GABRB3: variants seen among roughly 807,000 people sequenced by gnomAD.
The protein encoded by GABRB3 is gamma-aminobutyric acid type A receptor subunit beta3, also known as gamma-aminobutyric acid receptor subunit beta-3.
GABRB3 carries 14 observed loss-of-function variants against 52.1 expected under a neutral mutation model. The ratio of observed to expected loss-of-function variants is 0.27; its 90% CI spans 0.18 to 0.42. The LOEUF (loss-of-function observed/expected upper bound fraction) is 0.42. Among genes scored for constraint, GABRB3 ranks in the 10% least tolerant of loss-of-function variants. GABRB3 has a pLI of 1.00. For synonymous variants in GABRB3, 260 were observed against 232.3 expected, an observed-to-expected ratio of 1.12 and a Z score of -1.08; for missense variants, 307 against 609.1, an observed-to-expected ratio of 0.50 and a Z score of 5.22.
chr15:26,768,355 TAATG>T (rs1891053380), intron 3 of GABRB3, among the ~76,000 whole-genome samples: 1 of 152,194 alleles, frequency 6.6e-6, no homozygotes, highest in Non-Finnish European at 1.5e-5. Context: ...ACCAGATAGT[TAATG>T]AAGTAAAAAG....
At chr15:26,629,204 G>T in intron 3 of GABRB3, 8 of 1,443,958 alleles carry the variant, frequency 5.5e-6, no homozygotes, top group Non-Finnish European at 7.3e-6. Context: ...GCGAAGCGGC[G>T]GCAATCAGGG....
intron 3 of GABRB3, chr15:26,642,526 A>G: frequency 4.7e-6 from 6 of 1,285,856 alleles, no homozygotes; most frequent in Non-Finnish European, 4.1e-6. Context: ...GTTCCTGCAT[A>G]GCCTGCAAAG....
At chr15:26,730,279 G>A (rs541017668) in intron 3 of GABRB3, among the ~76,000 whole-genome samples, 85 of 151,250 alleles carry the variant, frequency 5.6e-4, no homozygotes, top group African/African-American at 1.9e-3. Context: ...ATAGCCGGGC[G>A]TGGTAGCGGG....
In GABRB3 at chr15:26,621,264, C is replaced by G; in HGVS notation, c.461+50G>C. On this transcript the variant is annotated intron_variant, in intron 4 of 8. Coordinates refer to ENST00000311550, the MANE Select transcript of GABRB3 (RefSeq NM_000814.6). The surrounding 1 kb of genome is among the most constrained non-coding windows in gnomAD (Gnocchi z 4.1). ...TAATCATCTCAAGTGAGATATTCAA[C>G]ACCCATGCACCATGCAACAGCAAAA... 2.2e-6 allele frequency: 3 copies of G among 1,349,612 alleles called. No homozygotes were observed. Among genetic ancestry groups the G allele is most frequent in the Non-Finnish European group, 2.1e-6 (2 of 940,478 alleles). 83.6% of individuals were successfully genotyped at this position (1,349,612 alleles called of 1,614,324 possible). A position where few individuals can be genotyped will look rare whatever the true frequency, so the allele number is the denominator to read the frequency against.
chr15:26,715,357 A>G (rs1889434188), intron 3 of GABRB3, among the ~76,000 whole-genome samples: 2 of 152,174 alleles, frequency 1.3e-5, no homozygotes, highest in African/African-American at 4.8e-5. Context: ...AAGCCTCTCT[A>G]AGAACTGAGC....
At chr15:26,765,619 C>T (rs531476951) in intron 3 of GABRB3, among the ~76,000 whole-genome samples, 21 of 152,182 alleles carry the variant, frequency 1.4e-4, no homozygotes, top group South Asian at 4.2e-4. Context: ...CACAAATATT[C>T]GTATCTATTG....
At chr15:26,769,363 G>A (rs1891081943) in intron 3 of GABRB3, among the ~76,000 whole-genome samples, 1 of 152,010 alleles carries the variant, frequency 6.6e-6, no homozygotes, top group Non-Finnish European at 1.5e-5. Flanking sequence ...CCTCACCATC[G>A]CTAATCCTCT....
In GABRB3 at chr15:26,546,508, C is replaced by A. The variant is rs942804726; in HGVS notation, c.*1285G>T. ...AGAACGGTCATGGGTCGTTGGGTGA[C>A]GCGTGGTGTGTACGGGTCATGTTCC... On this transcript the variant is annotated 3_prime_UTR_variant, in exon 9 of 9. Coordinates refer to ENST00000311550, the MANE Select transcript of GABRB3 (RefSeq NM_000814.6). 6.6e-6 allele frequency: 1 copy of A among 152,398 alleles called. No homozygotes were observed. The highest frequency in any genetic ancestry group is 2.1e-4 in the South Asian group (1 of 4,804). The allele number at this position is 152,398 out of a possible 1,614,324, so 9.4% of individuals were successfully genotyped here.
intron 4 of GABRB3, among the ~76,000 whole-genome samples, chr15:26,586,397 A>ACACACACACAC (rs149254517): frequency 8.0e-5 from 11 of 138,082 alleles, no homozygotes; most frequent in South Asian, 2.5e-4. Context: ...AACCACCCCT[A>ACACACACACAC]ACACACACAC....
At position 26,734,322 on chromosome 15, in the gene GABRB3, T is replaced by C. The variant is rs543092911; in HGVS notation, c.240+38080A>G. On this transcript the variant is annotated intron_variant, in intron 3 of 8. Transcript: ENST00000311550. ...CTGGGATTACAGGCATGAGCCACCA[T>C]ACCTGGACAAAACTATAGGACTCTT... Among the ~76,000 whole-genome samples, 3 of 151,442 alleles carry C rather than the reference T, an allele frequency of 2.0e-5. No individual in the cohort carries two copies. In the East Asian group the frequency reaches 6.0e-4, roughly 30 times the overall value.
At chr15:26,672,322 T>C (rs574551502) in intron 3 of GABRB3, among the ~76,000 whole-genome samples, 1 of 152,264 alleles carries the variant, frequency 6.6e-6, no homozygotes, top group Admixed American at 6.5e-5. Context: ...TTGACTGTTA[T>C]CACAAGAGAG....
At chr15:26,549,686 T>C (rs1477735824) in intron 8 of GABRB3, among the ~76,000 whole-genome samples, 1 of 152,064 alleles carries the variant, frequency 6.6e-6, no homozygotes, top group African/African-American at 2.4e-5. Flanking sequence ...GTGCTCAGAC[T>C]GAAGAGTTAA....
At chr15:26,609,082 A>C (rs1891953184) in intron 4 of GABRB3, among the ~76,000 whole-genome samples, 1 of 101,090 alleles carries the variant, frequency 9.9e-6, no homozygotes, top group South Asian at 4.4e-4. Flanking sequence ...TTTTTTAATG[A>C]TACACACACA....
intron 3 of GABRB3, among the ~76,000 whole-genome samples, chr15:26,672,447 T>C (rs1297731063): frequency 1.3e-5 from 2 of 152,098 alleles, no homozygotes; most frequent in Non-Finnish European, 2.9e-5. Flanking sequence ...AAATGGAGTT[T>C]CTCCCTCTCT....
intron 4 of GABRB3, among the ~76,000 whole-genome samples, chr15:26,606,816 A>AGATATATTGATAGATC (rs1555370536): frequency 1.7e-5 from 1 of 57,408 alleles, no homozygotes. Flanking sequence ...ATAGATAGAT[A>AGATATATTGATAGATC]GATAGATAGA....
chr15:26,550,722 G>C (rs1436033936), intron 8 of GABRB3, among the ~76,000 whole-genome samples: 4 of 152,184 alleles, frequency 2.6e-5, no homozygotes, highest in Non-Finnish European at 4.4e-5. Context: ...CCTGCAGAAA[G>C]GAAAGGAGCA....
At chr15:26,772,065 C>G in intron 3 of GABRB3, 1 of 267,576 alleles carries the variant, frequency 3.7e-6, no homozygotes, top group Admixed American at 5.6e-5. Context: ...GCTAAGGAGG[C>G]GAGACAGCGC....
chr15:26,581,786 G>A (rs548893771), intron 5 of GABRB3, among the ~76,000 whole-genome samples: 3 of 152,280 alleles, frequency 2.0e-5, no homozygotes, highest in South Asian at 2.1e-4. Context: ...AGGCAACCTC[G>A]CAATCACTCA....
intron 3 of GABRB3, 22 bp downstream of exon 3, chr15:26,772,380 C>A: frequency 6.2e-7 from 1 of 1,600,032 alleles, no homozygotes. Context: ...TCAGGGACCG[C>A]CCTGGGAGGG....
Sources: gnomAD v4.1 joint callset for allele counts (sites outside exome capture counted in the v4.1 genomes callset) on GRCh38, gnomAD v4.1.1 for gene constraint, Gnocchi (gnomAD v3.1) non-coding constraint, MANE v1.5 for transcripts, NCBI Gene and HGNC (gene_info 2026-07-23, HGNC 2026-07-21) for gene names.